Variants in UVRAG observed in about 807,000 individuals in gnomAD.
UVRAG encodes the protein UV radiation resistance associated.
A neutral mutation model predicts 78.0 loss-of-function variants in UVRAG; 19 were observed. The observed-to-expected ratio is 0.24, with a 90% CI of 0.17 to 0.36. The LOEUF (loss-of-function observed/expected upper bound fraction) is 0.36. Ranked by LOEUF, UVRAG falls within the 10% of genes least tolerant of loss-of-function variation. The pLI is 1.00. For missense variants in UVRAG, 740 were observed against 853.8 expected, an observed-to-expected ratio of 0.87 and a Z score of 1.66; for synonymous variants, 323 against 324.6, an observed-to-expected ratio of 1.00 and a Z score of 0.05.
intron 5 of UVRAG, among the ~76,000 whole-genome samples, chr11:75,905,224 C>G (rs902041423): frequency 6.6e-6 from 1 of 152,144 alleles, no homozygotes; most frequent in African/African-American, 2.4e-5. Flanking sequence ...TCTCCTCTGT[C>G]CTTTTTCTCC....
At chr11:75,848,541 A>G (rs907255758) in intron 1 of UVRAG, among the ~76,000 whole-genome samples, 5 of 152,244 alleles carry the variant, frequency 3.3e-5, no homozygotes, top group African/African-American at 1.2e-4. Flanking sequence ...CACAGTTGCT[A>G]CATAATGCAG....
chr11:75,851,672 C>T (rs1316749986), intron 1 of UVRAG, among the ~76,000 whole-genome samples: 4 of 152,164 alleles, frequency 2.6e-5, no homozygotes, highest in Non-Finnish European at 5.9e-5. Context: ...ACTTCATTCT[C>T]CAACCACCTT....
chr11:76,008,659 C>T, intron 10 of UVRAG, 148 bp from the exon 11 acceptor site: 2 of 474,652 alleles, frequency 4.2e-6, no homozygotes, highest in Non-Finnish European at 7.7e-6. Flanking sequence ...GAATGAATCA[C>T]CATGTACTCA....
chr11:75,861,935 G>C (rs962506418), intron 3 of UVRAG, among the ~76,000 whole-genome samples, 155 bp downstream of exon 3: 1 of 152,114 alleles, frequency 6.6e-6, no homozygotes, highest in African/African-American at 2.4e-5. Context: ...GTTCATTGCT[G>C]TATCTCTAGT....
intron 12 of UVRAG, among the ~76,000 whole-genome samples, chr11:76,053,344 A>C (rs76299599): frequency 0.019 from 2,742 of 142,330 alleles, 78 homozygotes; most frequent in African/African-American, 0.057. Flanking sequence ...CACACACACA[A>C]AAATAAATAT....
chr11:76,082,312 G>A (rs540676752), intron 13 of UVRAG, among the ~76,000 whole-genome samples: 6 of 151,610 alleles, frequency 4.0e-5, no homozygotes, highest in South Asian at 2.1e-4. Flanking sequence ...AGGCCGAGGC[G>A]GGCAGATCAC....
intron 6 of UVRAG, among the ~76,000 whole-genome samples, chr11:75,936,995 A>T (rs139014472): frequency 6.6e-5 from 10 of 152,126 alleles, no homozygotes; most frequent in Non-Finnish European, 1.0e-4. Context: ...GTCTCAAGTG[A>T]TCTTCTGTTC....
chr11:76,044,392 A>G (rs73496154), intron 12 of UVRAG, among the ~76,000 whole-genome samples: 172 of 152,328 alleles, frequency 1.1e-3, no homozygotes, highest in African/African-American at 4.0e-3. Flanking sequence ...TTTAATCACT[A>G]GTAGTAAATG....
intron 7 of UVRAG, among the ~76,000 whole-genome samples, chr11:75,976,703 C>T (rs938814536): frequency 3.3e-5 from 5 of 151,964 alleles, no homozygotes; most frequent in African/African-American, 1.2e-4. Flanking sequence ...TCTGTGGGAT[C>T]GGTGGTGATA....
chr11:75,868,469 A>G (rs1946580855), intron 3 of UVRAG, among the ~76,000 whole-genome samples: 1 of 152,154 alleles, frequency 6.6e-6, no homozygotes. Context: ...TGAGAATGAG[A>G]TTTTGGAAGG....
chr11:75,847,379 G>A (rs1481193803), intron 1 of UVRAG, among the ~76,000 whole-genome samples: 1 of 151,956 alleles, frequency 6.6e-6, no homozygotes, highest in African/African-American at 2.4e-5. Flanking sequence ...CACCCGCCTC[G>A]GCCTCCCAAA....
chr11:75,979,203 C>T (rs1006997370), intron 7 of UVRAG, among the ~76,000 whole-genome samples: 3 of 152,154 alleles, frequency 2.0e-5, no homozygotes, highest in South Asian at 2.1e-4. Context: ...TATTGCAGAA[C>T]GGCAAATGTT....
chr11:76,124,368 A>G (rs1482618463), intron 14 of UVRAG, among the ~76,000 whole-genome samples: 7 of 152,240 alleles, frequency 4.6e-5, no homozygotes, highest in Non-Finnish European at 8.8e-5. Context: ...ATTATTAGAT[A>G]AGACAAATAT....
At chr11:76,034,716 G>A (rs182504273) in intron 12 of UVRAG, among the ~76,000 whole-genome samples, 5 of 152,102 alleles carry the variant, frequency 3.3e-5, no homozygotes, top group Admixed American at 1.3e-4. Flanking sequence ...AGCAAAGACT[G>A]GTGTTAATAA....
intron 1 of UVRAG, among the ~76,000 whole-genome samples, chr11:75,844,008 C>T (rs17134396): frequency 0.052 from 7,823 of 149,962 alleles, 664 homozygotes; most frequent in Admixed American, 0.24. Context: ...CTGGGTCTTT[C>T]GTTAGCCCTA....
At chr11:75,822,469 G>C (rs1249392658) in intron 1 of UVRAG, among the ~76,000 whole-genome samples, 1 of 152,132 alleles carries the variant, frequency 6.6e-6, no homozygotes, top group Non-Finnish European at 1.5e-5. Context: ...CTTAGAGTTA[G>C]TATCATATTC....
At chr11:76,120,396 T>A (rs1453439021) in intron 14 of UVRAG, among the ~76,000 whole-genome samples, 1 of 151,722 alleles carries the variant, frequency 6.6e-6, no homozygotes, top group Non-Finnish European at 1.5e-5. Context: ...TATAAATGCT[T>A]CCTCATTGCA....
intron 1 of UVRAG, among the ~76,000 whole-genome samples, chr11:75,818,902 A>T (rs1457919904): frequency 6.6e-6 from 1 of 152,116 alleles, no homozygotes; most frequent in Non-Finnish European, 1.5e-5. Context: ...CAACCTTGGG[A>T]CTGTTGACAT....
intron 5 of UVRAG, among the ~76,000 whole-genome samples, chr11:75,890,651 A>G (rs1033031708): frequency 6.6e-6 from 1 of 151,404 alleles, no homozygotes; most frequent in African/African-American, 2.4e-5. Flanking sequence ...CTTTGGATCT[A>G]TGAGTCTGAA....
Sources: gnomAD v4.1 joint callset for allele counts (sites outside exome capture counted in the v4.1 genomes callset) on GRCh38, gnomAD v4.1.1 for gene constraint, MANE v1.5 for transcripts, NCBI Gene and HGNC (gene_info 2026-07-23, HGNC 2026-07-21) for gene names.